Variants in INPP4B observed in about 807,000 individuals in gnomAD.
The protein encoded by INPP4B is inositol polyphosphate-4-phosphatase type II B.
INPP4B carries 55 observed loss-of-function variants against 122.5 expected under a neutral mutation model. The ratio of observed to expected loss-of-function variants is 0.45; its 90% CI spans 0.36 to 0.56. The LOEUF (loss-of-function observed/expected upper bound fraction) is 0.56, where lower values mean the gene tolerates loss of function less well. INPP4B is among the 20% of genes least tolerant of loss of function. INPP4B has a pLI of 0.00. For synonymous variants in INPP4B, 403 were observed against 388.7 expected (o/e 1.04, Z -0.43); for missense variants, 1,000 against 1,097.7 (o/e 0.91, Z 1.26).
At chr4:142,061,562 C>A (rs1440918078) in intron 25 of INPP4B, among the ~76,000 whole-genome samples, 1 of 151,920 alleles carries the variant, frequency 6.6e-6, no homozygotes, top group East Asian at 1.9e-4. Flanking sequence ...TACACCTATT[C>A]TTTTCTCAAT....
chr4:142,492,475 CT>C lies in INPP4B; in HGVS notation c.-190-29750del, dbSNP rs200028567. ...CAGGAAGATGTGAGAAAATTTGGAACTTCCTAGAGACTTGTTGAATGGCTTT... is the reference window on the plus strand; with the variant it reads ...CAGGAAGATGTGAGAAAATTTGGAACTCCTAGAGACTTGTTGAATGGCTTT... On this transcript the variant is annotated intron_variant, in intron 2 of 25. Coordinates refer to ENST00000262992, the MANE Select transcript of INPP4B (RefSeq NM_001101669.3). Among the ~76,000 whole-genome samples, 209 of 152,244 alleles carry C rather than the reference CT, an allele frequency of 1.4e-3. 3 individuals are homozygous for C. The East Asian group carries it at 0.038, about 28-fold the overall frequency.
intron 2 of INPP4B, among the ~76,000 whole-genome samples, chr4:142,557,688 G>T: frequency 1.3e-5 from 2 of 152,202 alleles, no homozygotes; most frequent in Non-Finnish European, 2.9e-5. Context: ...CTAAAAAATA[G>T]AAAAAATATT....
At chr4:142,480,394 T>G (rs1255759260) in intron 2 of INPP4B, among the ~76,000 whole-genome samples, 1 of 152,142 alleles carries the variant, frequency 6.6e-6, no homozygotes, top group African/African-American at 2.4e-5. Context: ...CCCACCACAC[T>G]GCAGACAGGT....
intron 7 of INPP4B, among the ~76,000 whole-genome samples, chr4:142,394,041 T>G (rs1798551993): frequency 1.3e-5 from 2 of 152,216 alleles, no homozygotes; most frequent in African/African-American, 4.8e-5. Flanking sequence ...GATAATATGG[T>G]TTTTGAGAAA....
chr4:142,614,769 A>C (rs1191108505), intron 2 of INPP4B, among the ~76,000 whole-genome samples: 1 of 152,098 alleles, frequency 6.6e-6, no homozygotes, highest in African/African-American at 2.4e-5. Flanking sequence ...CATACAAGTA[A>C]CCTATAAACA....
intron 2 of INPP4B, among the ~76,000 whole-genome samples, chr4:142,470,427 T>C (rs935367527): frequency 7.9e-5 from 12 of 152,332 alleles, no homozygotes; most frequent in African/African-American, 2.4e-4. Flanking sequence ...TCATACTTGA[T>C]GCTATTTTGA....
intron 25 of INPP4B, among the ~76,000 whole-genome samples, chr4:142,042,113 C>T (rs1280881043): frequency 6.6e-6 from 1 of 152,174 alleles, no homozygotes; most frequent in Non-Finnish European, 1.5e-5. Flanking sequence ...TGTCATCTAC[C>T]GTCACTTGTT....
At chr4:142,681,101 T>C (rs2150682063) in intron 2 of INPP4B, among the ~76,000 whole-genome samples, 1 of 152,004 alleles carries the variant, frequency 6.6e-6, no homozygotes, top group African/African-American at 2.4e-5. Context: ...AGTCTATATA[T>C]AATGCATGTA....
At chr4:142,640,157 T>C (rs946091378) in intron 2 of INPP4B, among the ~76,000 whole-genome samples, 2 of 152,048 alleles carry the variant, frequency 1.3e-5, no homozygotes, top group African/African-American at 4.8e-5. Flanking sequence ...TTCAATGCAA[T>C]CTTAATAAGA....
chr4:142,798,577 A>G (rs188213509), intron 1 of INPP4B, among the ~76,000 whole-genome samples: 289 of 152,008 alleles, frequency 1.9e-3, no homozygotes, highest in African/African-American at 6.5e-3. Context: ...TGTAAAGACT[A>G]CAGAACAAGA....
At chr4:142,229,676 A>C (rs1161358846) in intron 12 of INPP4B, among the ~76,000 whole-genome samples, 1 of 152,338 alleles carries the variant, frequency 6.6e-6, no homozygotes, top group East Asian at 1.9e-4. Context: ...AGATGCCAGA[A>C]TATCACTCAA....
intron 2 of INPP4B, among the ~76,000 whole-genome samples, chr4:142,663,927 A>G (rs1214330424): frequency 6.6e-6 from 1 of 152,230 alleles, no homozygotes; most frequent in African/African-American, 2.4e-5. Context: ...TAAATGAAGT[A>G]ATTACCTTGG....
intron 18 of INPP4B, among the ~76,000 whole-genome samples, chr4:142,137,035 T>G (rs967365543): frequency 6.6e-6 from 1 of 152,148 alleles, no homozygotes; most frequent in Non-Finnish European, 1.5e-5. Context: ...AAAAAACTAC[T>G]TTAAAGTTCA....
At chr4:142,366,468 A>G (rs1020042334) in intron 7 of INPP4B, among the ~76,000 whole-genome samples, 7 of 152,190 alleles carry the variant, frequency 4.6e-5, no homozygotes, top group African/African-American at 1.7e-4. Context: ...ATTGAGTTTT[A>G]GCATAAGAAT....
rs564124128 is a variant in INPP4B, at chr4:142,086,982, A to G, written c.2375-726T>C. ...ACAACTCAGGGTTGGGAGAAATCTG[A>G]AAGTTCAAATAAGACACATGAAATC... On this transcript the variant is annotated intron_variant, in intron 23 of 25. Coordinates refer to ENST00000262992, the MANE Select transcript of INPP4B (RefSeq NM_001101669.3). Among the ~76,000 whole-genome samples, 461 of 152,336 alleles carry G rather than the reference A, an allele frequency of 3.0e-3. 1 individual carries two copies. The highest frequency in any genetic ancestry group is 9.1e-3 in the South Asian group (44 of 4,826).
chr4:142,494,804 C>T (rs902815513), intron 2 of INPP4B, among the ~76,000 whole-genome samples: 12 of 152,188 alleles, frequency 7.9e-5, no homozygotes, highest in African/African-American at 2.2e-4. Flanking sequence ...AGGACACCTC[C>T]GTCCCAAATT....
intron 2 of INPP4B, among the ~76,000 whole-genome samples, chr4:142,551,462 A>G (rs559855413): frequency 7.9e-5 from 12 of 152,320 alleles, no homozygotes; most frequent in African/African-American, 1.9e-4. Context: ...CTGGGTCTCA[A>G]GGTGTAAAAA....
chr4:142,595,290 C>G (rs1007671256), intron 2 of INPP4B, among the ~76,000 whole-genome samples: 7 of 151,996 alleles, frequency 4.6e-5, no homozygotes, highest in African/African-American at 1.7e-4. Context: ...AGGCAGCTCC[C>G]ACAGAGAGTC....
Position 142,237,872 on chromosome 4 carries a change from ATCT to A in INPP4B, c.825_827del (p.Glu275del). The A allele has an allele frequency of 6.4e-7, 1 of 1,554,612 alleles. No individual in the cohort carries two copies. The highest frequency in any genetic ancestry group is 8.8e-7 in the Non-Finnish European group (1 of 1,136,174). On this transcript the variant is annotated inframe_deletion, in exon 12 of 26. Coordinates refer to ENST00000262992, the MANE Select transcript of INPP4B (RefSeq NM_001101669.3). ...TAGTTATTTTCTCTTACCTGCACAAATCTTCTTTAATGTGAAGGGAAATCAATT... is the reference window on the plus strand; with the variant it reads ...TAGTTATTTTCTCTTACCTGCACAAATCTTTAATGTGAAGGGAAATCAATT...
Sources: gnomAD v4.1 joint callset for allele counts (sites outside exome capture counted in the v4.1 genomes callset) on GRCh38, gnomAD v4.1.1 for gene constraint, MANE v1.5 for transcripts, NCBI Gene and HGNC (gene_info 2026-07-23, HGNC 2026-07-21) for gene names.